The following CADM2 variants were observed in gnomAD, a reference collection of about 807,000 sequenced individuals.
The protein encoded by CADM2 is cell adhesion molecule 2.
In CADM2, 12 loss-of-function variants were observed where a neutral mutation model predicts 49.8. The ratio of observed to expected loss-of-function variants is 0.24; its 90% confidence interval spans 0.15 to 0.39. CADM2 has a LOEUF of 0.39. CADM2 is among the 10% of genes least tolerant of loss of function. The pLI, the probability that CADM2 is intolerant of heterozygous loss-of-function variation, is 1.00. For synonymous variants in CADM2, 214 were observed against 175.4 expected (o/e 1.22, Z -1.74); for missense variants, 378 against 492.3 (o/e 0.77, Z 2.20).
chr3:85,258,728 A>G (rs1329941446), intron 1 of CADM2, among the ~76,000 whole-genome samples: 2 of 152,144 alleles, frequency 1.3e-5, no homozygotes, highest in Non-Finnish European at 2.9e-5. Flanking sequence ...GTTGGGCTCT[A>G]TCATATATTG....
chr3:85,174,736 A>G (rs2040730385), intron 1 of CADM2, among the ~76,000 whole-genome samples: 1 of 152,132 alleles, frequency 6.6e-6, no homozygotes. Flanking sequence ...AGAGTTGGAG[A>G]AATTTTTCCC....
At chr3:85,081,491 T>A (rs41495948) in intron 1 of CADM2, among the ~76,000 whole-genome samples, 2 of 152,124 alleles carry the variant, frequency 1.3e-5, no homozygotes, top group Non-Finnish European at 2.9e-5. Context: ...AACTTTGGCC[T>A]GGTTATTTCA....
At chr3:85,233,370 G>A (rs2107818112) in intron 1 of CADM2, among the ~76,000 whole-genome samples, 1 of 152,074 alleles carries the variant, frequency 6.6e-6, no homozygotes, top group African/African-American at 2.4e-5. Context: ...TCAACCCTAA[G>A]GTAACCATGG....
chr3:85,201,332 T>C (rs952443635), intron 1 of CADM2, among the ~76,000 whole-genome samples: 3 of 152,240 alleles, frequency 2.0e-5, no homozygotes, highest in Non-Finnish European at 4.4e-5. Flanking sequence ...AAGTATGTGA[T>C]AGCATTATAT....
At chr3:85,779,138 T>C (rs78272412) in intron 2 of CADM2, among the ~76,000 whole-genome samples, 15,749 of 152,100 alleles carry the variant, frequency 0.1, 921 homozygotes, top group South Asian at 0.12. Context: ...TTTAGGGCCA[T>C]GAGTCTCTAT....
At chr3:85,155,912 T>C (rs2040099684) in intron 1 of CADM2, among the ~76,000 whole-genome samples, 1 of 152,064 alleles carries the variant, frequency 6.6e-6, no homozygotes, top group Non-Finnish European at 1.5e-5. Context: ...GACACAACAT[T>C]CCAGAATCTC....
intron 3 of CADM2, among the ~76,000 whole-genome samples, chr3:85,850,645 A>C (rs1209628764): frequency 1.3e-5 from 2 of 151,932 alleles, no homozygotes; most frequent in East Asian, 3.9e-4. Context: ...TTGTCATAAG[A>C]CGTTCCTTTC....
chr3:85,915,616 G>A (rs1448308677), intron 6 of CADM2, among the ~76,000 whole-genome samples: 1 of 152,022 alleles, frequency 6.6e-6, no homozygotes, highest in African/African-American at 2.4e-5. Context: ...GATCATGGCT[G>A]CACTTAGATC....
At chr3:85,810,403 T>G (rs2108121903) in intron 3 of CADM2, among the ~76,000 whole-genome samples, 1 of 152,174 alleles carries the variant, frequency 6.6e-6, no homozygotes, top group Non-Finnish European at 1.5e-5. Context: ...CATACCCAAT[T>G]TTCAGTTAAG....
At chr3:85,859,013 C>T (rs548561645) in intron 3 of CADM2, among the ~76,000 whole-genome samples, 2 of 152,254 alleles carry the variant, frequency 1.3e-5, no homozygotes, top group South Asian at 4.1e-4. Context: ...ATTTGAAGGA[C>T]TCAGCCACAA....
chr3:85,608,469 G>A (rs2107438755), intron 1 of CADM2, among the ~76,000 whole-genome samples: 1 of 152,172 alleles, frequency 6.6e-6, no homozygotes, highest in African/African-American at 2.4e-5. Flanking sequence ...TACATTTTAA[G>A]AACCATATTA....
At chr3:85,050,274 G>A (rs1473398640) in intron 1 of CADM2, among the ~76,000 whole-genome samples, 1 of 151,894 alleles carries the variant, frequency 6.6e-6, no homozygotes, top group Non-Finnish European at 1.5e-5. Flanking sequence ...GAGTAAAAGG[G>A]TCAATATACT....
chr3:85,294,853 G>A (rs1246355023), intron 1 of CADM2, among the ~76,000 whole-genome samples: 2 of 152,118 alleles, frequency 1.3e-5, no homozygotes, highest in African/African-American at 2.4e-5. Context: ...GAATACCTAG[G>A]CATTACCATT....
chr3:85,053,697 C>T (rs921326816), intron 1 of CADM2, among the ~76,000 whole-genome samples: 8 of 151,818 alleles, frequency 5.3e-5, no homozygotes, highest in Admixed American at 2.6e-4. Flanking sequence ...AGTTTGGAAT[C>T]GGAGAATTGT....
chr3:86,025,539 TCATCTGGCAGA>T (rs1423045802), intron 8 of CADM2, among the ~76,000 whole-genome samples: 3 of 152,140 alleles, frequency 2.0e-5, no homozygotes, highest in Non-Finnish European at 4.4e-5. Flanking sequence ...ATTCACATCT[TCATCTGGCAGA>T]CACTTCCTTC....
intron 2 of CADM2, among the ~76,000 whole-genome samples, chr3:85,774,884 A>G (rs1326158012): frequency 6.6e-6 from 1 of 151,756 alleles, no homozygotes; most frequent in African/African-American, 2.4e-5. Context: ...CACTAGGTTC[A>G]GTGTAATTAA....
intron 1 of CADM2, among the ~76,000 whole-genome samples, chr3:85,026,324 C>A (rs139737663): frequency 6.6e-6 from 1 of 152,116 alleles, no homozygotes; most frequent in African/African-American, 2.4e-5. Context: ...TAATAGCAAA[C>A]CAGTTGCTAA....
intron 7 of CADM2, among the ~76,000 whole-genome samples, chr3:85,950,578 A>G (rs1443822507): frequency 1.3e-5 from 2 of 151,152 alleles, no homozygotes; most frequent in African/African-American, 4.8e-5. Flanking sequence ...TAAAAATGCC[A>G]TTATTTTCAA....
rs534343966 is a variant in CADM2, at chr3:85,519,332, G to A, written c.62-207190G>A. 5.3e-5 allele frequency among the ~76,000 whole-genome samples: 8 copies of A among 152,060 alleles called. No homozygotes were observed. The South Asian group carries it at 1.5e-3, about 28-fold the overall frequency. On this transcript the variant is annotated intron_variant, in intron 1 of 9. Transcript: ENST00000383699. ...TGTACTTGAGCGATATATTTCCCTCGAAGTCATGCTTAGTTTTTTTATTTT... is the reference window on the plus strand; with the variant it reads ...TGTACTTGAGCGATATATTTCCCTCAAAGTCATGCTTAGTTTTTTTATTTT...
Sources: gnomAD v4.1 joint callset for allele counts (sites outside exome capture counted in the v4.1 genomes callset) on GRCh38, gnomAD v4.1.1 for gene constraint, MANE v1.5 for transcripts, NCBI Gene and HGNC (gene_info 2026-07-23, HGNC 2026-07-21) for gene names.